Variants in DLC1 observed in about 807,000 individuals in gnomAD.
The protein encoded by DLC1 is rho GTPase-activating protein 7.
DLC1 carries 54 observed loss-of-function variants against 140.3 expected under a neutral mutation model. The observed-to-expected ratio is 0.38, with a 90% CI of 0.31 to 0.48. The LOEUF (loss-of-function observed/expected upper bound fraction) is 0.48, where lower values mean the gene tolerates loss of function less well. Among genes scored for constraint, DLC1 ranks in the 20% least tolerant of loss-of-function variants. DLC1 has a pLI of 0.96. For missense variants in DLC1, 2,536 were observed against 1,907.0 expected (o/e 1.33, Z -6.14); for synonymous variants, 986 against 728.1 (o/e 1.35, Z -5.70).
chr8:13,142,017 G>T (rs1358965915), intron 5 of DLC1, among the ~76,000 whole-genome samples: 1 of 152,166 alleles, frequency 6.6e-6, no homozygotes, highest in Non-Finnish European at 1.5e-5. Context: ...TCTCCATGCT[G>T]TTCTCGTGAT....
intron 1 of DLC1, among the ~76,000 whole-genome samples, chr8:13,579,269 T>TATATATATATATAC (rs71207166): frequency 1.1e-5 from 1 of 89,344 alleles, no homozygotes; most frequent in African/African-American, 4.2e-5. Flanking sequence ...TATATATATA[T>TATATATATATATAC]GCACATATCT....
At chr8:13,524,112 TTATTATTA>T (rs2117291228) in intron 1 of DLC1, among the ~76,000 whole-genome samples, 1 of 8,118 alleles carries the variant, frequency 1.2e-4, no homozygotes, top group Admixed American at 1.3e-3. Context: ...ATTCTATTTA[TTATTATTA>T]TTATTATTAT....
At chr8:13,431,498 A>AG (rs1838866396) in intron 2 of DLC1, among the ~76,000 whole-genome samples, 1 of 133,708 alleles carries the variant, frequency 7.5e-6, no homozygotes, top group Non-Finnish European at 1.7e-5. Flanking sequence ...AAAAAAAAAA[A>AG]AAAAAAAAAA....
chr8:13,351,762 A>G (rs1563275748), intron 4 of DLC1, among the ~76,000 whole-genome samples: 1 of 152,256 alleles, frequency 6.6e-6, no homozygotes, highest in Non-Finnish European at 1.5e-5. Flanking sequence ...TGATTAAGAA[A>G]AATAATAATT....
intron 5 of DLC1, among the ~76,000 whole-genome samples, chr8:13,231,744 G>A (rs1000302852): frequency 5.9e-5 from 9 of 152,218 alleles, no homozygotes; most frequent in Admixed American, 5.2e-4. Flanking sequence ...GCACAGCGAT[G>A]TGATCAGATT....
At chr8:13,311,369 A>C (rs776598305) in intron 4 of DLC1, among the ~76,000 whole-genome samples, 1 of 152,140 alleles carries the variant, frequency 6.6e-6, no homozygotes, top group Non-Finnish European at 1.5e-5. Context: ...CACGATTCCA[A>C]CTTAACTTAG....
Position 13,100,138 on chromosome 8 carries a change from G to C in DLC1, c.2199C>G (p.Ser733Arg). The C allele has an allele frequency of 1.9e-6, 3 of 1,614,102 alleles. No homozygotes were observed. The highest frequency in any genetic ancestry group is 2.5e-6 in the Non-Finnish European group (3 of 1,180,044). ...TGCTGGTCTGCGTGGAGTTGGAAACGCTCCTCTTTCGTACCATGGGGACGT... is the reference window on the plus strand; with the variant it reads ...TGCTGGTCTGCGTGGAGTTGGAAACCCTCCTCTTTCGTACCATGGGGACGT... ...RINVPMVRKR[S>R]VSNSTQTSSS... is the part of the protein sequence containing the mutation. Residue 733 changes from serine to arginine, a missense_variant, in exon 9 of 18, where the codon AGC (serine) becomes AGG (arginine). Physicochemically the swap from Ser to Arg is moderately radical, Grantham distance 110. Transcript: ENST00000276297.
chr8:13,193,010 G>T (rs1585882017), intron 5 of DLC1, among the ~76,000 whole-genome samples: 1 of 152,128 alleles, frequency 6.6e-6, no homozygotes, highest in Non-Finnish European at 1.5e-5. Flanking sequence ...ATCTTCCTCT[G>T]CCTAAGGACT....
intron 5 of DLC1, among the ~76,000 whole-genome samples, chr8:13,230,787 G>C (rs867695204): frequency 4.6e-5 from 7 of 151,866 alleles, no homozygotes; most frequent in Middle Eastern, 3.4e-3. Context: ...AGTAGAGATG[G>C]GGTTTCACTA....
At chr8:13,393,728 T>C (rs370416670) in intron 3 of DLC1, 35 bp from the exon 4 acceptor site, 1 of 1,590,870 alleles carries the variant, frequency 6.3e-7, no homozygotes, top group African/African-American at 1.3e-5. Context: ...ATGAAGGACA[T>C]GTGAATGTTC....
chr8:13,105,663 C>T (rs1233871528), intron 7 of DLC1, among the ~76,000 whole-genome samples: 3 of 151,360 alleles, frequency 2.0e-5, no homozygotes, highest in African/African-American at 4.9e-5. Flanking sequence ...CTGCAACCTC[C>T]GCCTCCCCGT....
intron 5 of DLC1, among the ~76,000 whole-genome samples, chr8:13,162,850 C>G (rs1347075275): frequency 6.6e-6 from 1 of 152,138 alleles, no homozygotes; most frequent in Non-Finnish European, 1.5e-5. Flanking sequence ...AGAAGGATCT[C>G]TTGAGCCCAG....
rs916638574 is a variant in DLC1 at position 13,280,307 on chromosome 8, A to G, written c.1348+24962T>C. Among the ~76,000 whole-genome samples, 18 of 151,264 alleles carry G rather than the reference A, an allele frequency of 1.2e-4. No individual in the cohort carries two copies. The East Asian group carries it at 2.9e-3, about 24-fold the overall frequency. On this transcript the variant is annotated intron_variant, in intron 5 of 17. Transcript: ENST00000276297. ...CATCTCAAAAAAAAAAAAAAAAAAA[A>G]AAAGAAAAATGAGAATAATGACATT...
At chr8:13,284,297 C>CGAGT (rs1387371388) in intron 5 of DLC1, among the ~76,000 whole-genome samples, 1 of 152,140 alleles carries the variant, frequency 6.6e-6, no homozygotes, top group Non-Finnish European at 1.5e-5. Flanking sequence ...GAGGCCAAGG[C>CGAGT]GAGTGGATCA....
At chr8:13,115,870 T>C (rs1820514365) in intron 5 of DLC1, among the ~76,000 whole-genome samples, 1 of 152,204 alleles carries the variant, frequency 6.6e-6, no homozygotes, top group South Asian at 2.1e-4. Flanking sequence ...GTATTTTCCC[T>C]TTACAAAAAA....
intron 5 of DLC1, among the ~76,000 whole-genome samples, chr8:13,173,809 C>A (rs1217070069): frequency 6.6e-6 from 1 of 152,078 alleles, no homozygotes; most frequent in Non-Finnish European, 1.5e-5. Context: ...ATTTACCTGG[C>A]CCATGTATCT....
intron 5 of DLC1, among the ~76,000 whole-genome samples, chr8:13,136,630 G>A (rs1045073599): frequency 6.6e-6 from 1 of 152,174 alleles, no homozygotes; most frequent in Admixed American, 6.5e-5. Flanking sequence ...AGGATCCCAG[G>A]CTCAAGCGAT....
intron 2 of DLC1, among the ~76,000 whole-genome samples, chr8:13,487,505 A>G (rs1339981699): frequency 1.3e-5 from 2 of 152,202 alleles, no homozygotes; most frequent in Non-Finnish European, 2.9e-5. Flanking sequence ...AGAGAAGACG[A>G]ACAGCATAGC....
intron 2 of DLC1, among the ~76,000 whole-genome samples, chr8:13,494,433 C>A (rs1279160540): frequency 6.6e-6 from 1 of 152,164 alleles, no homozygotes. Flanking sequence ...TGCCTGTACA[C>A]AGGGTGCGAT....
Sources: gnomAD v4.1 joint callset for allele counts (sites outside exome capture counted in the v4.1 genomes callset) on GRCh38, gnomAD v4.1.1 for gene constraint, MANE v1.5 for transcripts, NCBI Gene and HGNC (gene_info 2026-07-23, HGNC 2026-07-21) for gene names.